The following LHCGR variants were observed in gnomAD, a reference collection of about 807,000 sequenced individuals.
LHCGR encodes the protein lutropin-choriogonadotropic hormone receptor.
A neutral mutation model predicts 60.7 loss-of-function variants in LHCGR; 55 were observed. The ratio of observed to expected loss-of-function variants is 0.91; its 90% CI spans 0.73 to 1.13. LHCGR has a LOEUF of 1.13. LHCGR is among the 50% of genes most tolerant of loss of function. The pLI is 0.00. For missense variants in LHCGR, 862 were observed against 836.0 expected (o/e 1.03, Z -0.38); for synonymous variants, 337 against 316.5 (o/e 1.06, Z -0.69).
chr2:48,711,218 G>A (rs185615946), intron 7 of LHCGR, among the ~76,000 whole-genome samples: 2 of 152,064 alleles, frequency 1.3e-5, no homozygotes, highest in Non-Finnish European at 2.9e-5. Context: ...TGCCTAAATC[G>A]TTCACCCCTC....
In LHCGR at chr2:48,688,959, A is replaced by G. The variant is rs568451132; in HGVS notation, c.948-110T>C. 4.4e-6 allele frequency: 4 copies of G among 913,692 alleles called. No individual in the cohort carries two copies. In the African/African-American group the frequency reaches 4.9e-5, roughly 11 times the overall value. 56.6% of individuals were successfully genotyped at this position (913,692 alleles called of 1,614,324 possible). A position where few individuals can be genotyped will look rare whatever the true frequency, so the allele number is the denominator to read the frequency against. ...AAACAAAAGGAAACAAAGCCATAAT[A>G]GCCTCAGCCTTACATTTATTTGTTA... is the stretch of plus-strand genomic sequence containing the variant. On this transcript the variant is annotated intron_variant, in intron 10 of 10. Transcript: ENST00000294954. This position sits in a 1 kb window ranked among gnomAD's most constrained non-coding sequence, Gnocchi z 5.2.
At chr2:48,733,766 T>C (rs1272041710) in intron 1 of LHCGR, among the ~76,000 whole-genome samples, 21 of 151,764 alleles carry the variant, frequency 1.4e-4, no homozygotes, top group Admixed American at 1.4e-3. Context: ...ACTTATATGT[T>C]TTTTTTTTCA....
At chr2:48,725,342 C>T (rs996322798) in intron 4 of LHCGR, among the ~76,000 whole-genome samples, 1 of 152,186 alleles carries the variant, frequency 6.6e-6, no homozygotes, top group African/African-American at 2.4e-5. Context: ...ACTCTCTATT[C>T]ACTTCAGAGA....
chr2:48,712,512 T>C (rs1668042817), intron 7 of LHCGR, among the ~76,000 whole-genome samples: 1 of 152,150 alleles, frequency 6.6e-6, no homozygotes, highest in Non-Finnish European at 1.5e-5. Context: ...TAAGGGTTTT[T>C]GTTAATGAAC....
intron 1 of LHCGR, among the ~76,000 whole-genome samples, chr2:48,748,037 T>C (rs1178804413): frequency 7.2e-5 from 11 of 152,136 alleles, no homozygotes. Flanking sequence ...CTTAAAACAC[T>C]CAGAGGAAGT....
chr2:48,737,109 T>G (rs2103660811), intron 1 of LHCGR, among the ~76,000 whole-genome samples: 1 of 152,358 alleles, frequency 6.6e-6, no homozygotes, highest in African/African-American at 2.4e-5. Context: ...ATAGGCTCTT[T>G]GGTCACTTGC....
At chr2:48,689,861 C>T (rs1177835820) in intron 10 of LHCGR, among the ~76,000 whole-genome samples, 1 of 152,112 alleles carries the variant, frequency 6.6e-6, no homozygotes, top group African/African-American at 2.4e-5. Context: ...ACTACAGGCG[C>T]ATGCCACCGC....
chr2:48,742,360 A>T (rs1669495864), intron 1 of LHCGR, among the ~76,000 whole-genome samples: 1 of 151,322 alleles, frequency 6.6e-6, no homozygotes, highest in Non-Finnish European at 1.5e-5. Flanking sequence ...CATCTACAGA[A>T]CTCTCCACCC....
Position 48,688,622 on chromosome 2 carries a change from G to A in LHCGR, c.1175C>T (p.Thr392Ile), listed in dbSNP as rs1355992358. 2 of 1,614,166 alleles carry A rather than the reference G, an allele frequency of 1.2e-6. No homozygotes were observed. Among genetic ancestry groups the A allele is most frequent in the South Asian group, 1.1e-5 (1 of 91,076 alleles). Reference sequence around the variant, plus strand: ...ATTGCACATGAGAAAACGAGGCACTGTAAGTTTGTAACGACTTGTCAGGAG... The same window carrying A: ...ATTGCACATGAGAAAACGAGGCACTATAAGTTTGTAACGACTTGTCAGGAG... ...FVLLTSRYKLTVPRFLMCNLS... is the reference protein window; with the variant it reads ...FVLLTSRYKLIVPRFLMCNLS... Residue 392 changes from threonine to isoleucine, a missense_variant, in exon 11 of 11, where the codon ACA becomes ATA. Coordinates refer to ENST00000294954, the MANE Select transcript of LHCGR (RefSeq NM_000233.4). This position sits in a 1 kb window ranked among gnomAD's most constrained non-coding sequence, Gnocchi z 5.2.
chr2:48,716,969 C>A (rs1411399820), intron 6 of LHCGR, among the ~76,000 whole-genome samples: 1 of 152,150 alleles, frequency 6.6e-6, no homozygotes, highest in Non-Finnish European at 1.5e-5. Flanking sequence ...AACAAGCTCT[C>A]CTAGTGAGCC....
At chr2:48,708,071 C>T (rs7567975) in intron 8 of LHCGR, among the ~76,000 whole-genome samples, 37,267 of 152,190 alleles carry the variant, frequency 0.24, 4,914 homozygotes, top group Middle Eastern at 0.34. Context: ...AACCAGGTAC[C>T]TCAGTTGGAA....
At chr2:48,740,451 C>G (rs1669395293) in intron 1 of LHCGR, among the ~76,000 whole-genome samples, 1 of 152,216 alleles carries the variant, frequency 6.6e-6, no homozygotes, top group African/African-American at 2.4e-5. Context: ...TGTCTGACAG[C>G]TTTGAAGAGA....
intron 6 of LHCGR, among the ~76,000 whole-genome samples, chr2:48,716,641 A>G (rs1668262355): frequency 6.6e-6 from 1 of 152,194 alleles, no homozygotes; most frequent in Admixed American, 6.5e-5. Context: ...TTGCATAATT[A>G]TACACAACCT....
Position 48,706,787 on chromosome 2 carries a change from G to T in LHCGR, c.680+2161C>A, listed in dbSNP as rs557284419. On this transcript the variant is annotated intron_variant, in intron 8 of 10. Coordinates refer to ENST00000294954, the MANE Select transcript of LHCGR (RefSeq NM_000233.4). ...CACTGATTTTTCTAGTTAGCCATTC[G>T]CCTAACCTTTTTTCATGGTTTTTTA... is the stretch of plus-strand genomic sequence containing the variant. 1.3e-5 allele frequency among the ~76,000 whole-genome samples: 2 copies of T among 151,994 alleles called. 1 individual carries two copies. The highest frequency in any genetic ancestry group is 2.9e-5 in the Non-Finnish European group (2 of 68,016).
chr2:48,705,355 A>G (rs1282698906), intron 8 of LHCGR, among the ~76,000 whole-genome samples: 1 of 152,224 alleles, frequency 6.6e-6, no homozygotes, highest in Non-Finnish European at 1.5e-5. Flanking sequence ...GCTGAGAAGA[A>G]TGTATATTCT....
intron 10 of LHCGR, among the ~76,000 whole-genome samples, chr2:48,692,539 C>T (rs558386913): frequency 6.6e-6 from 1 of 152,158 alleles, no homozygotes; most frequent in Admixed American, 6.5e-5. Flanking sequence ...ATTGACAAAG[C>T]CCAGCACAGA....
intron 8 of LHCGR, among the ~76,000 whole-genome samples, chr2:48,706,647 A>G (rs529883660): frequency 3.9e-5 from 6 of 152,250 alleles, no homozygotes; most frequent in African/African-American, 1.2e-4. Context: ...TTGATCTTCA[A>G]TGACTGATAT....
At chr2:48,715,438 G>C (rs1036176825) in intron 6 of LHCGR, among the ~76,000 whole-genome samples, 3 of 152,224 alleles carry the variant, frequency 2.0e-5, no homozygotes, top group African/African-American at 7.2e-5. Flanking sequence ...AAGGGCTGTG[G>C]TGTGATGTAA....
chr2:48,726,397 A>C (rs1000274992), intron 3 of LHCGR, among the ~76,000 whole-genome samples: 1 of 152,192 alleles, frequency 6.6e-6, no homozygotes, highest in Non-Finnish European at 1.5e-5. Flanking sequence ...ACAGGTTAGT[A>C]GGTTTTAAGT....
Sources: allele counts gnomAD v4.1 joint callset (sites outside exome capture counted in the v4.1 genomes callset), GRCh38; gene constraint gnomAD v4.1.1; non-coding constraint Gnocchi (gnomAD v3.1); transcripts MANE v1.5; gene names NCBI Gene and HGNC (gene_info 2026-07-23, HGNC 2026-07-21).